The following KIAA1217 variants were observed in gnomAD, a reference collection of about 807,000 sequenced individuals.
KIAA1217 encodes sickle tail protein homolog.
In KIAA1217, 88 loss-of-function variants were observed where a neutral mutation model predicts 163.9. The ratio of observed to expected loss-of-function variants is 0.54; its 90% CI spans 0.45 to 0.64. The LOEUF is 0.64. KIAA1217 is among the 30% of genes least tolerant of loss of function. The probability of loss-of-function intolerance (pLI) is 0.00; values close to 1 mark genes in which losing one functional copy is unlikely to be tolerated. For synonymous variants in KIAA1217, 903 were observed against 923.1 expected (o/e 0.98, Z 0.39); for missense variants, 2,372 against 2,475.0 (o/e 0.96, Z 0.88).
chr10:24,419,055 T>C (rs1485944732), intron 3 of KIAA1217, among the ~76,000 whole-genome samples: 1 of 150,990 alleles, frequency 6.6e-6, no homozygotes, highest in Non-Finnish European at 1.5e-5. Flanking sequence ...CAAGTGCCTG[T>C]AATCCCAGTT....
At chr10:24,434,025 C>CT (rs569791889) in intron 4 of KIAA1217, among the ~76,000 whole-genome samples, 990 of 72,642 alleles carry the variant, frequency 0.014, 83 homozygotes, top group Non-Finnish European at 0.018. Flanking sequence ...CTCTCTCTCT[C>CT]TTTTTTTTTT....
upstream of KIAA1217, among the ~76,000 whole-genome samples, chr10:24,207,518 G>A (rs1279931331): frequency 6.6e-6 from 1 of 152,194 alleles, no homozygotes; most frequent in East Asian, 1.9e-4. Context: ...CACCAGGACA[G>A]AAACTGTGTA....
At chr10:24,305,726 T>A (rs1022253801) in intron 2 of KIAA1217, among the ~76,000 whole-genome samples, 3 of 152,164 alleles carry the variant, frequency 2.0e-5, no homozygotes, top group African/African-American at 7.2e-5. Flanking sequence ...CATTCTAGCA[T>A]GAGGAGCAGG....
At chr10:23,804,289 A>G (rs1836632933) in intron 1 of KIAA1217, among the ~76,000 whole-genome samples, 2 of 152,314 alleles carry the variant, frequency 1.3e-5, no homozygotes, top group African/African-American at 2.4e-5. Context: ...CTGATGTGCT[A>G]TGAAAAGCTG....
At chr10:24,235,032 A>G (rs1290595706) in intron 2 of KIAA1217, among the ~76,000 whole-genome samples, 2 of 152,194 alleles carry the variant, frequency 1.3e-5, no homozygotes, top group Non-Finnish European at 2.9e-5. Context: ...GATCAGCTCT[A>G]TTAGTCACAG....
chr10:24,159,604 C>A (rs1157729115), intron 2 of KIAA1217, among the ~76,000 whole-genome samples: 3 of 109,728 alleles, frequency 2.7e-5, no homozygotes, highest in Non-Finnish European at 5.8e-5. Flanking sequence ...ACGGTGAAAC[C>A]CCGTCTCAAA....
At chr10:24,074,368 CA>C (rs1434147330) in intron 2 of KIAA1217, among the ~76,000 whole-genome samples, 1 of 151,918 alleles carries the variant, frequency 6.6e-6, no homozygotes, top group African/African-American at 2.4e-5. Context: ...ACAACAACAA[CA>C]AAAACCAACA....
chr10:23,953,568 C>A (rs1363660596), intron 1 of KIAA1217, among the ~76,000 whole-genome samples: 1 of 152,166 alleles, frequency 6.6e-6, no homozygotes, highest in Non-Finnish European at 1.5e-5. Flanking sequence ...AGGAACGGAC[C>A]ATTAAGGGGA....
intron 2 of KIAA1217, among the ~76,000 whole-genome samples, chr10:24,380,126 G>C (rs2053090504): frequency 6.6e-6 from 1 of 152,136 alleles, no homozygotes; most frequent in African/African-American, 2.4e-5. Context: ...CTTGGTATGA[G>C]ACTCTGAAGG....
chr10:24,014,532 A>C (rs1433352275), intron 2 of KIAA1217, among the ~76,000 whole-genome samples: 3 of 152,158 alleles, frequency 2.0e-5, no homozygotes, highest in African/African-American at 7.2e-5. Flanking sequence ...AAAATGAGAA[A>C]GTGCATACAA....
At chr10:23,800,884 A>G (rs7092878) in intron 1 of KIAA1217, among the ~76,000 whole-genome samples, 51,818 of 152,020 alleles carry the variant, frequency 0.34, 9,718 homozygotes, top group African/African-American at 0.5. Flanking sequence ...GTGGGAGTGT[A>G]AACTAGTTCA....
intron 2 of KIAA1217, among the ~76,000 whole-genome samples, chr10:24,266,163 C>G (rs1163478103): frequency 6.6e-6 from 1 of 151,588 alleles, no homozygotes; most frequent in Non-Finnish European, 1.5e-5. Context: ...ACTGCAACCT[C>G]TGCCTCCCGG....
chr10:24,417,929 T>C (rs937486035), intron 3 of KIAA1217, among the ~76,000 whole-genome samples: 1 of 151,768 alleles, frequency 6.6e-6, no homozygotes, highest in Non-Finnish European at 1.5e-5. Context: ...ACCATGGTTT[T>C]CTGTCATCTC....
intron 2 of KIAA1217, among the ~76,000 whole-genome samples, chr10:24,008,419 G>T (rs1295535085): frequency 6.6e-6 from 1 of 152,112 alleles, no homozygotes; most frequent in East Asian, 1.9e-4. Flanking sequence ...GATGGCAAAA[G>T]TTCCCTGAGT....
chr10:24,053,617 A>T (rs1324761802), intron 2 of KIAA1217, among the ~76,000 whole-genome samples: 1 of 152,074 alleles, frequency 6.6e-6, no homozygotes, highest in African/African-American at 2.4e-5. Flanking sequence ...GCCTTTGCCC[A>T]CTCAAAAAAT....
intron 2 of KIAA1217, among the ~76,000 whole-genome samples, chr10:24,372,189 G>A (rs1378327415): frequency 6.6e-6 from 1 of 152,194 alleles, no homozygotes; most frequent in Non-Finnish European, 1.5e-5. Flanking sequence ...TGCCAAGGAA[G>A]AAGGCTTTGA....
chr10:24,097,336 G>T (rs188510417), intron 2 of KIAA1217, among the ~76,000 whole-genome samples: 5 of 152,290 alleles, frequency 3.3e-5, no homozygotes, highest in Admixed American at 2.6e-4. Context: ...AAGATCCCTT[G>T]AGCCTGGGAG....
chr10:24,154,151 GT>G (rs1300954231), intron 2 of KIAA1217, among the ~76,000 whole-genome samples: 1 of 151,690 alleles, frequency 6.6e-6, no homozygotes, highest in African/African-American at 2.4e-5. Flanking sequence ...TAGAGACGGG[GT>G]TTCACCGTTT....
chr10:24,243,378 T>A (rs947379847), intron 2 of KIAA1217, among the ~76,000 whole-genome samples: 2 of 152,090 alleles, frequency 1.3e-5, no homozygotes, highest in African/African-American at 4.8e-5. Flanking sequence ...CTAGTGAACA[T>A]CATAACCCAT....
Sources: gnomAD v4.1 joint callset for allele counts (sites outside exome capture counted in the v4.1 genomes callset) on GRCh38, gnomAD v4.1.1 for gene constraint, MANE v1.5 for transcripts, NCBI Gene and HGNC (gene_info 2026-07-23, HGNC 2026-07-21) for gene names.